VKORC1L1: variants seen among roughly 807,000 people sequenced by gnomAD.
VKORC1L1 encodes the protein vitamin K epoxide reductase complex subunit 1-like protein 1.
In VKORC1L1, 2 loss-of-function variants were observed where a neutral mutation model predicts 18.9. That is an observed-to-expected ratio of 0.11 (90% CI 0.04 to 0.33). The LOEUF (loss-of-function observed/expected upper bound fraction) is 0.33, where lower values mean the gene tolerates loss of function less well. VKORC1L1 is among the 10% of genes least tolerant of loss of function. VKORC1L1 has a pLI of 1.00. For synonymous variants in VKORC1L1, 96 were observed against 100.0 expected, an observed-to-expected ratio of 0.96 and a Z score of 0.24; for missense variants, 123 against 224.1, an observed-to-expected ratio of 0.55 and a Z score of 2.88.
At chr7:65,891,479 G>A (rs758100429) in intron 1 of VKORC1L1, among the ~76,000 whole-genome samples, 1 of 152,042 alleles carries the variant, frequency 6.6e-6, no homozygotes, top group Admixed American at 6.6e-5. Flanking sequence ...TATCTTCTCT[G>A]TGAAGAGCTC....
intron 1 of VKORC1L1, among the ~76,000 whole-genome samples, chr7:65,942,040 A>G (rs573785569): frequency 2.0e-5 from 3 of 152,172 alleles, no homozygotes; most frequent in Non-Finnish European, 2.9e-5. Context: ...ATACACCTGT[A>G]CTTTATGATG....
chr7:65,873,822 G>A lies in VKORC1L1; in HGVS notation c.194+257G>A, dbSNP rs376419755. Among the ~76,000 whole-genome samples the A allele has an allele frequency of 2.1e-3, 325 of 152,100 alleles. 1 individual carries two copies. Among genetic ancestry groups the A allele is most frequent in the African/African-American group, 7.5e-3 (312 of 41,526 alleles). On this transcript the variant is annotated intron_variant, in intron 1 of 2. Coordinates refer to ENST00000360768, the MANE Select transcript of VKORC1L1 (RefSeq NM_173517.6). ...GGGAGGGATGAGGTGGCAGAGTGCA[G>A]CCGGGAGGCCGGGGCGGACGCGGAG...
intron 2 of VKORC1L1, among the ~76,000 whole-genome samples, chr7:65,952,905 C>T (rs1396544667): frequency 1.3e-5 from 2 of 150,242 alleles, no homozygotes; most frequent in Non-Finnish European, 2.9e-5. Context: ...CGTGCCTCAG[C>T]CTCCCTTGTA....
At chr7:65,909,900 T>C (rs1583842129) in intron 1 of VKORC1L1, among the ~76,000 whole-genome samples, 1 of 152,204 alleles carries the variant, frequency 6.6e-6, no homozygotes, top group East Asian at 1.9e-4. Flanking sequence ...GTATTTTTAA[T>C]AGAGACAGGG....
At chr7:65,942,972 A>T (rs889550087) in intron 1 of VKORC1L1, among the ~76,000 whole-genome samples, 1 of 152,256 alleles carries the variant, frequency 6.6e-6, no homozygotes, top group African/African-American at 2.4e-5. Context: ...AGTGATAACC[A>T]TATAAACAAT....
the VKORC1L1 span, among the ~76,000 whole-genome samples, chr7:65,867,664 C>T: frequency 6.6e-6 from 1 of 152,074 alleles, no homozygotes; most frequent in Non-Finnish European, 1.5e-5. Flanking sequence ...GTGATCTGGG[C>T]TTCCTCACAG....
intron 1 of VKORC1L1, among the ~76,000 whole-genome samples, chr7:65,923,180 T>C (rs1789706163): frequency 6.6e-6 from 1 of 152,086 alleles, no homozygotes; most frequent in Non-Finnish European, 1.5e-5. Flanking sequence ...GGCAGGTGAA[T>C]CGCTTGAGCC....
Position 65,955,564 on chromosome 7 carries a change from A to G in VKORC1L1, c.*1264A>G, listed in dbSNP as rs1410740662. ...TTGTAAGGGGATTTGAGTACACCCA[A>G]ATGAAATTGTGACAGGATGTTTGTA... On this transcript the variant is annotated 3_prime_UTR_variant, in exon 3 of 3. Coordinates refer to ENST00000360768, the MANE Select transcript of VKORC1L1 (RefSeq NM_173517.6). 6.6e-6 allele frequency: 1 copy of G among 152,220 alleles called. No homozygotes were observed. Among genetic ancestry groups the G allele is most frequent in the African/African-American group, 2.4e-5 (1 of 41,450 alleles). 9.4% of individuals were successfully genotyped at this position (152,220 alleles called of 1,614,324 possible). A position where few individuals can be genotyped will look rare whatever the true frequency, so the allele number is the denominator to read the frequency against.
chr7:65,949,625 A>G (rs1790180632), intron 2 of VKORC1L1, among the ~76,000 whole-genome samples: 1 of 152,020 alleles, frequency 6.6e-6, no homozygotes, highest in African/African-American at 2.4e-5. Context: ...CTCTGTAGAA[A>G]ATACAAAAAT....
intron 2 of VKORC1L1, among the ~76,000 whole-genome samples, chr7:65,951,909 C>G (rs1790219848): frequency 6.6e-6 from 1 of 152,128 alleles, no homozygotes; most frequent in Non-Finnish European, 1.5e-5. Flanking sequence ...ATTGTACCAT[C>G]ATTTATTTAG....
rs186902292 is a variant in VKORC1L1 at position 65,888,874 on chromosome 7, A to G, written c.194+15309A>G. ...AAACAAACTTGCAGCCATTCTCAGA[A>G]GTATTGGTTTTCTGTTGGGTTGTTG... On this transcript the variant is annotated intron_variant, in intron 1 of 2. Coordinates refer to ENST00000360768, the MANE Select transcript of VKORC1L1 (RefSeq NM_173517.6). Among the ~76,000 whole-genome samples the G allele has an allele frequency of 3.8e-3, 583 of 152,250 alleles. 6 individuals carry two copies. Among genetic ancestry groups the G allele is most frequent in the African/African-American group, 0.013 (555 of 41,544 alleles).
intron 1 of VKORC1L1, among the ~76,000 whole-genome samples, chr7:65,906,915 C>A (rs1041692455): frequency 6.6e-6 from 1 of 152,104 alleles, no homozygotes; most frequent in Non-Finnish European, 1.5e-5. Flanking sequence ...GGTTGGGGAC[C>A]TTGAACTTGT....
chr7:65,881,263 TTAAAA>T (rs1485529766), intron 1 of VKORC1L1, among the ~76,000 whole-genome samples: 1 of 152,204 alleles, frequency 6.6e-6, no homozygotes, highest in African/African-American at 2.4e-5. Context: ...TGTTTTAAGT[TTAAAA>T]TATTATAAAT....
intron 1 of VKORC1L1, among the ~76,000 whole-genome samples, chr7:65,875,763 G>T (rs939207811): frequency 5.3e-5 from 8 of 151,892 alleles, no homozygotes; most frequent in African/African-American, 1.5e-4. Flanking sequence ...CCTCAAGTTA[G>T]TTTTTTTTGA....
chr7:65,911,513 C>T lies in VKORC1L1; in HGVS notation c.195-37158C>T, dbSNP rs1789502478. Reference sequence around the variant, plus strand: ...GACAGCACCTAGATAGGTTATTACTCTCTGTTCAGCAAGACAAATCACTGG... The same window carrying T: ...GACAGCACCTAGATAGGTTATTACTTTCTGTTCAGCAAGACAAATCACTGG... On this transcript the variant is annotated intron_variant, in intron 1 of 2. Transcript: ENST00000360768. 2.0e-5 allele frequency among the ~76,000 whole-genome samples: 3 copies of T among 152,168 alleles called. No individual in the cohort carries two copies. In the South Asian group the frequency reaches 6.2e-4, roughly 32 times the overall value.
At chr7:65,877,827 T>C (rs1183740039) in intron 1 of VKORC1L1, among the ~76,000 whole-genome samples, 1 of 152,172 alleles carries the variant, frequency 6.6e-6, no homozygotes, top group Non-Finnish European at 1.5e-5. Flanking sequence ...ACATATACCA[T>C]AGGGGATTGG....
rs925920833 is a variant in VKORC1L1, at chr7:65,907,293, T to G, written c.194+33728T>G. 5.9e-5 allele frequency among the ~76,000 whole-genome samples: 9 copies of G among 151,834 alleles called. No homozygotes were observed. In the East Asian group the frequency reaches 1.7e-3, roughly 29 times the overall value. ...CCGTCTCTACTAAAAATACAAAAAT[T>G]AGGCATGGTGGCGTGTGCCTATAAT... On this transcript the variant is annotated intron_variant, in intron 1 of 2. Coordinates refer to ENST00000360768, the MANE Select transcript of VKORC1L1 (RefSeq NM_173517.6).
At chr7:65,880,153 C>T (rs1348290296) in intron 1 of VKORC1L1, among the ~76,000 whole-genome samples, 2 of 152,274 alleles carry the variant, frequency 1.3e-5, no homozygotes, top group South Asian at 2.1e-4. Context: ...CACGCCCAGC[C>T]TTTTACCACT....
intron 1 of VKORC1L1, among the ~76,000 whole-genome samples, chr7:65,880,666 G>A (rs1788912524): frequency 6.6e-6 from 1 of 152,194 alleles, no homozygotes; most frequent in South Asian, 2.1e-4. Context: ...GGGAATTTAA[G>A]AGGAGTTCAT....
Sources: allele counts gnomAD v4.1 joint callset (sites outside exome capture counted in the v4.1 genomes callset), GRCh38; gene constraint gnomAD v4.1.1; transcripts MANE v1.5; gene names NCBI Gene and HGNC (gene_info 2026-07-23, HGNC 2026-07-21).